LCTL: variants seen among roughly 807,000 people sequenced by gnomAD.
The protein encoded by LCTL is lactase-like protein.
A neutral mutation model predicts 75.8 loss-of-function variants in LCTL; 76 were observed. The ratio of observed to expected loss-of-function variants is 1.00; its 90% CI spans 0.83 to 1.21. LCTL has a LOEUF of 1.21. LCTL is among the 50% of genes most tolerant of loss of function. The probability of loss-of-function intolerance (pLI) is 0.00; values close to 1 mark genes in which losing one functional copy is unlikely to be tolerated. For synonymous variants in LCTL, 271 were observed against 268.8 expected (o/e 1.01, Z -0.08); for missense variants, 670 against 712.4 (o/e 0.94, Z 0.68).
rs555549506 is a variant in LCTL at position 66,557,879 on chromosome 15, C to A, written c.765G>T (p.Leu255=). ...AGTCACAGTTCAATGAAATTCCCACCAGACCTTAAAAGAAAAGAAAGAAAA... is the reference window on the plus strand; with the variant it reads ...AGTCACAGTTCAATGAAATTCCCACAAGACCTTAAAAGAAAAGAAAGAAAA... The change falls in exon 8 of 13, where the codon CTG becomes CTT. Residue 255 remains leucine (L), a synonymous_variant. Transcript: ENST00000341509. 39 of 1,613,894 alleles carry A rather than the reference C, an allele frequency of 2.4e-5. 1 individual carries two copies. In the South Asian group the frequency reaches 3.0e-4, roughly 12 times the overall value.
chr15:66,558,351 A>T (rs1445246585), intron 6 of LCTL, among the ~76,000 whole-genome samples: 1 of 152,116 alleles, frequency 6.6e-6, no homozygotes, highest in Middle Eastern at 3.2e-3. Flanking sequence ...TCCTCAGAGG[A>T]GCTCAGTAAT....
At chr15:66,556,983 T>C (rs1895756422) in intron 8 of LCTL, among the ~76,000 whole-genome samples, 3 of 152,172 alleles carry the variant, frequency 2.0e-5, no homozygotes, top group South Asian at 4.1e-4. Context: ...CCAAAACTTA[T>C]TATGACAGAG....
chr15:66,548,662 A>T (rs1047254515), intron 12 of LCTL, 57 bp from the exon 14 acceptor site: 1 of 897,498 alleles, frequency 1.1e-6, no homozygotes. Context: ...TTTAGTAAAT[A>T]CAGCTTTATC....
intron 2 of LCTL, chr15:66,564,474 C>T (rs1567062997): frequency 3.4e-6 from 2 of 588,136 alleles, no homozygotes; most frequent in East Asian, 3.0e-5. Context: ...ACATCCACCT[C>T]ACATCCTGGC....
In LCTL at chr15:66,564,734, C is replaced by T; in HGVS notation, c.224G>A (p.Gly75Glu). Residue 75 changes from glycine (G) to glutamate (E), a missense_variant, in exon 2 of 13, where the codon GGG becomes GAG. By Grantham distance (98) the Gly-to-Glu change is moderately conservative. Transcript: ENST00000341509. ...TGCCGTCTCATTCCCAAGCACTTTC[C>T]CCTTCCCACTGTGTGTGAAGACGTC... is the stretch of plus-strand genomic sequence containing the variant. 1 of 1,613,612 alleles carries T rather than the reference C, an allele frequency of 6.2e-7. No homozygotes were observed. The highest frequency in any genetic ancestry group is 1.3e-5 in the African/African-American group (1 of 74,800).
At chr15:66,556,342 T>C (rs1895738293) in intron 8 of LCTL, among the ~76,000 whole-genome samples, 1 of 152,182 alleles carries the variant, frequency 6.6e-6, no homozygotes, top group Non-Finnish European at 1.5e-5. Context: ...TCTCACTCTA[T>C]CACCCAGGCT....
intron 2 of LCTL, chr15:66,564,405 T>A (rs1444656990): frequency 2.1e-6 from 1 of 486,138 alleles, no homozygotes; most frequent in Non-Finnish European, 3.7e-6. Context: ...GCCCTTCAGC[T>A]CCCCCTTCAC....
chr15:66,563,262 C>T (rs751050273), intron 4 of LCTL, among the ~76,000 whole-genome samples: 2 of 152,208 alleles, frequency 1.3e-5, no homozygotes, highest in Non-Finnish European at 2.9e-5. Flanking sequence ...CTTGGACTTC[C>T]CAGCCTCCAG....
chr15:66,553,072 T>C, exon 9 of LCTL: 1 of 1,606,844 alleles, frequency 6.2e-7, no homozygotes, highest in South Asian at 1.1e-5. Flanking sequence ...GTCAACCAGC[T>C]CTATCAAGTC....
intron 4 of LCTL, among the ~76,000 whole-genome samples, 178 bp downstream of exon 5, chr15:66,563,338 C>A (rs1439190294): frequency 2.6e-5 from 4 of 152,176 alleles, no homozygotes; most frequent in Non-Finnish European, 5.9e-5. Flanking sequence ...ATTGCAACAG[C>A]AAAAGTGGAT....
At chr15:66,552,563 TAA>T (rs1895633364) in intron 9 of LCTL, among the ~76,000 whole-genome samples, 1 of 150,144 alleles carries the variant, frequency 6.7e-6, no homozygotes, top group Non-Finnish European at 1.5e-5. Flanking sequence ...CCCAGCCACT[TAA>T]GAGGCTGAGG....
chr15:66,565,637 C>T (rs960234677), upstream of LCTL: 3 of 433,034 alleles, frequency 6.9e-6, no homozygotes, highest in Non-Finnish European at 1.2e-5. Context: ...CCAGCCCATA[C>T]CCCTGAGTGG....
intron 2 of LCTL, 90 bp downstream of exon 3, chr15:66,564,586 C>G (rs1213894191): frequency 6.9e-7 from 1 of 1,439,750 alleles, no homozygotes; most frequent in East Asian, 2.4e-5. Flanking sequence ...CAGAGCTCCC[C>G]CAAACGTCAC....
chr15:66,549,318 G>A (rs1285313337), intron 12 of LCTL: 1 of 152,108 alleles, frequency 6.6e-6, no homozygotes, highest in Non-Finnish European at 1.5e-5. Context: ...AATTTGTTGA[G>A]GGGGATTGCA....
rs143150424 is a variant in LCTL at position 66,548,603 on chromosome 15, G to C, written c.1591C>G (p.Pro531Ala). The change falls in exon 13 of 13, where the codon CCC becomes GCC. Residue 531 changes from proline to alanine, a missense_variant and splice_region_variant. Pro to Ala is a conservative substitution (Grantham distance 27). Coordinates refer to ENST00000341509, the Ensembl canonical transcript of LCTL. Reference sequence around the variant, plus strand: ...ACCATTTGCATGTGACTTAGCAAGGGCTCTGAAATGACAAAGAGAACGAGC... The same window carrying C: ...ACCATTTGCATGTGACTTAGCAAGGCCTCTGAAATGACAAAGAGAACGAGC... 4,662 of 1,541,574 alleles carry C rather than the reference G, an allele frequency of 3.0e-3. 49 individuals are homozygous for C. The highest frequency in any genetic ancestry group is 2.2e-3 in the Non-Finnish European group (2,417 of 1,114,402).
At chr15:66,556,585 T>A (rs1895744076) in intron 8 of LCTL, among the ~76,000 whole-genome samples, 1 of 152,140 alleles carries the variant, frequency 6.6e-6, no homozygotes, top group South Asian at 2.1e-4. Flanking sequence ...GATTACAGGC[T>A]TGAGCCACCG....
intron 2 of LCTL, 54 bp from the exon 4 acceptor site, chr15:66,564,052 A>G: frequency 8.3e-7 from 1 of 1,211,120 alleles, no homozygotes; most frequent in Non-Finnish European, 1.2e-6. Flanking sequence ...TATGGGAGGT[A>G]GGGGTCCATC....
rs141640858 is a variant in LCTL at position 66,565,302 on chromosome 15, C to T, written c.64G>A (p.Ala22Thr). The T allele has an allele frequency of 2.4e-5, 39 of 1,613,510 alleles. No individual in the cohort carries two copies. Among genetic ancestry groups the T allele is most frequent in the African/African-American group, 1.1e-4 (8 of 74,914 alleles). Residue 22 changes from alanine (A) to threonine (T), a missense_variant, in exon 1 of 13, where the codon GCC becomes ACC. Ala to Thr is a moderately conservative substitution (Grantham distance 58, BLOSUM62 0). Transcript: ENST00000341509. ...GCCTCTTCTGGGGACCCCTTCCGGG[C>T]GGCCCCCAGCCTGGGCACCAGCAGT...
chr15:66,555,717 C>T lies in LCTL; in HGVS notation c.922+2005G>A, dbSNP rs147298096. ...ATGAAATTTTTAAAAATTTGGGAAT[C>T]AAGACACTAGCAACAGAATAAAAAA... is the stretch of plus-strand genomic sequence containing the variant. On this transcript the variant is annotated intron_variant, in intron 8 of 12. Transcript: ENST00000341509. 2.6e-3 allele frequency among the ~76,000 whole-genome samples: 390 copies of T among 152,178 alleles called. 1 individual carries two copies. Among genetic ancestry groups the T allele is most frequent in the Middle Eastern group, 0.02 (6 of 294 alleles).
Sources: allele counts gnomAD v4.1 joint callset (sites outside exome capture counted in the v4.1 genomes callset), GRCh38; gene constraint gnomAD v4.1.1; transcripts MANE v1.5; gene names NCBI Gene and HGNC (gene_info 2026-07-23, HGNC 2026-07-21).